Variants in GALNT10 observed in about 807,000 individuals in gnomAD.
GALNT10 encodes polypeptide N-acetylgalactosaminyltransferase 10.
Under a neutral mutation model 75.0 loss-of-function variants are expected in GALNT10, and 41 were observed. The ratio of observed to expected loss-of-function variants is 0.55; its 90% CI spans 0.43 to 0.71. The LOEUF (loss-of-function observed/expected upper bound fraction) is 0.71. Ranked by LOEUF, GALNT10 falls within the 30% of genes least tolerant of loss-of-function variation. The pLI is 0.00. For missense variants in GALNT10, 727 were observed against 818.5 expected (o/e 0.89, Z 1.36); for synonymous variants, 302 against 313.0 (o/e 0.96, Z 0.37).
At chr5:154,219,815 C>CTG (rs1752944668) in intron 1 of GALNT10, 1 of 111,078 alleles carries the variant, frequency 9.0e-6, no homozygotes, top group African/African-American at 4.7e-5. Flanking sequence ...CTCTCGCGCT[C>CTG]TCTCTCTCTC....
At chr5:154,201,303 G>A (rs933651917) in intron 1 of GALNT10, among the ~76,000 whole-genome samples, 3 of 152,064 alleles carry the variant, frequency 2.0e-5, no homozygotes, top group African/African-American at 4.8e-5. Flanking sequence ...CTTCACAGAT[G>A]CAAAAACTGA....
rs369056220 is a variant in GALNT10 at position 154,200,080 on chromosome 5, C to T, written c.159+9055C>T. Among the ~76,000 whole-genome samples, 9 of 152,272 alleles carry T rather than the reference C, an allele frequency of 5.9e-5. No homozygotes were observed. The East Asian group carries it at 9.6e-4, about 16-fold the overall frequency. On this transcript the variant is annotated intron_variant, in intron 1 of 11. Coordinates refer to ENST00000297107, the MANE Select transcript of GALNT10 (RefSeq NM_198321.4). ...CAGCCACTGACTGGATGGTCTGGGGCGAGTCTGTGGGTCTGCCCCTGCTCA... is the reference window on the plus strand; with the variant it reads ...CAGCCACTGACTGGATGGTCTGGGGTGAGTCTGTGGGTCTGCCCCTGCTCA...
intron 4 of GALNT10, among the ~76,000 whole-genome samples, chr5:154,340,374 C>T (rs938187520): frequency 1.3e-5 from 2 of 152,084 alleles, no homozygotes; most frequent in Non-Finnish European, 2.9e-5. Flanking sequence ...ACAACATTTG[C>T]CTAAAGGAAA....
chr5:154,370,904 C>T (rs75465078), intron 4 of GALNT10, among the ~76,000 whole-genome samples: 3,401 of 152,278 alleles, frequency 0.022, 48 homozygotes, highest in Non-Finnish European at 0.036. Flanking sequence ...CAGAGGCTGC[C>T]AGCAGGCTGT....
chr5:154,392,475 G>A (rs1715589404), intron 7 of GALNT10: 1 of 152,200 alleles, frequency 6.6e-6, no homozygotes, highest in South Asian at 2.1e-4. Context: ...GCTCAGCAAG[G>A]AGGCTCTCCT....
intron 1 of GALNT10, among the ~76,000 whole-genome samples, chr5:154,290,212 C>T (rs1754174724): frequency 2.6e-5 from 4 of 151,398 alleles, no homozygotes; most frequent in Admixed American, 2.6e-4. Flanking sequence ...CTGCCTCAGC[C>T]TCCCAAATAG....
chr5:154,339,023 T>C (rs6872211), intron 4 of GALNT10, among the ~76,000 whole-genome samples: 6,394 of 152,274 alleles, frequency 0.042, 423 homozygotes, highest in African/African-American at 0.15. Context: ...CTGTCTGGCC[T>C]CACCTCCACA....
In GALNT10 at chr5:154,419,232, G is replaced by A. The variant is rs1756581381; in HGVS notation, c.*2260G>A. The A allele has an allele frequency of 6.6e-6, 1 of 152,004 alleles. No individual in the cohort carries two copies. The allele number at this position is 152,004 out of a possible 1,614,324, so 9.4% of individuals were successfully genotyped here. A position where few individuals can be genotyped will look rare whatever the true frequency, so the allele number is the denominator to read the frequency against. On this transcript the variant is annotated 3_prime_UTR_variant, in exon 12 of 12. Coordinates refer to ENST00000297107, the MANE Select transcript of GALNT10 (RefSeq NM_198321.4). ...TGACAGGTCAGATTTATTTCAGTCA[G>A]TGCAAGTCACACTCCAAACTAAAGG...
At chr5:154,230,990 C>T (rs778077694) in intron 1 of GALNT10, among the ~76,000 whole-genome samples, 11 of 152,220 alleles carry the variant, frequency 7.2e-5, no homozygotes, top group Non-Finnish European at 1.3e-4. Flanking sequence ...CCAGACAAGG[C>T]GGGTCCCTGC....
chr5:154,236,656 A>G (rs1753250939), intron 1 of GALNT10, among the ~76,000 whole-genome samples: 1 of 152,210 alleles, frequency 6.6e-6, no homozygotes, highest in Admixed American at 6.5e-5. Context: ...TCTTGCTGCC[A>G]TTTGGCATTT....
At chr5:154,303,208 A>T (rs929289997) in intron 3 of GALNT10, among the ~76,000 whole-genome samples, 11 of 152,206 alleles carry the variant, frequency 7.2e-5, no homozygotes, top group African/African-American at 2.4e-4. Flanking sequence ...AAATTGAAAC[A>T]AATGAGGTGA....
intron 1 of GALNT10, among the ~76,000 whole-genome samples, chr5:154,232,024 CG>C (rs1214630968): frequency 6.6e-6 from 1 of 152,120 alleles, no homozygotes; most frequent in Non-Finnish European, 1.5e-5. Flanking sequence ...CTCTGCCCTC[CG>C]GGGGGAGAGA....
Position 154,376,057 on chromosome 5 carries a change from G to A in GALNT10, c.569-220G>A, listed in dbSNP as rs1053757803. Among the ~76,000 whole-genome samples the A allele has an allele frequency of 1.1e-4, 17 of 152,216 alleles. 1 individual carries two copies. The highest frequency in any genetic ancestry group is 3.4e-4 in the African/African-American group (14 of 41,450). On this transcript the variant is annotated intron_variant, in intron 4 of 11. Transcript: ENST00000297107. This position sits in a 1 kb window ranked among gnomAD's most constrained non-coding sequence, Gnocchi z 4.1. ...AGAAGATCTCTCTCTGTTCCAGGTC[G>A]TGGCACCTTCACTGGACCTCTTTAA...
chr5:154,192,106 C>G (rs957618301), intron 1 of GALNT10, among the ~76,000 whole-genome samples: 2 of 152,222 alleles, frequency 1.3e-5, no homozygotes, highest in Admixed American at 6.5e-5. Context: ...GTATCAGGGT[C>G]AGACTTGACT....
chr5:154,273,554 A>G (rs1581950156), intron 1 of GALNT10, among the ~76,000 whole-genome samples: 1 of 152,120 alleles, frequency 6.6e-6, no homozygotes, highest in Admixed American at 6.6e-5. Flanking sequence ...TGGCCAAATA[A>G]CCTCAGACAA....
intron 3 of GALNT10, among the ~76,000 whole-genome samples, chr5:154,311,328 T>G (rs1474331726): frequency 6.6e-6 from 1 of 152,252 alleles, no homozygotes; most frequent in Admixed American, 6.5e-5. Flanking sequence ...GATGATGATT[T>G]ATTTCTTTTA....
chr5:154,399,721 C>G (rs542162333), intron 7 of GALNT10, among the ~76,000 whole-genome samples: 93 of 152,306 alleles, frequency 6.1e-4, no homozygotes, highest in African/African-American at 2.2e-3. Context: ...GACCGAGTGC[C>G]TCTTACGGGC....
intron 6 of GALNT10, among the ~76,000 whole-genome samples, chr5:154,384,268 T>G (rs1446019336): frequency 1.3e-5 from 2 of 152,108 alleles, no homozygotes; most frequent in African/African-American, 4.8e-5. Flanking sequence ...ATCACTCCAT[T>G]GTTTAGATGG....
At chr5:154,277,167 A>T (rs1478032846) in intron 1 of GALNT10, among the ~76,000 whole-genome samples, 1 of 151,946 alleles carries the variant, frequency 6.6e-6, no homozygotes, top group Admixed American at 6.6e-5. Flanking sequence ...TGGGCTGGGC[A>T]GCTCTGCTAA....
Sources: allele counts gnomAD v4.1 joint callset (sites outside exome capture counted in the v4.1 genomes callset), GRCh38; gene constraint gnomAD v4.1.1; non-coding constraint Gnocchi (gnomAD v3.1); transcripts MANE v1.5; gene names NCBI Gene and HGNC (gene_info 2026-07-23, HGNC 2026-07-21).